Variants in GALNT18 observed in about 807,000 individuals in gnomAD.
GALNT18 encodes the protein polypeptide N-acetylgalactosaminyltransferase 18.
Under a neutral mutation model 69.5 loss-of-function variants are expected in GALNT18, and 44 were observed. That is an observed-to-expected ratio of 0.63 (90% confidence interval 0.50 to 0.81). The LOEUF is 0.81. Among genes scored for constraint, GALNT18 ranks in the 40% least tolerant of loss-of-function variants. The pLI, the probability that GALNT18 is intolerant of heterozygous loss-of-function variation, is 0.00. For missense variants in GALNT18, 715 were observed against 810.0 expected, an observed-to-expected ratio of 0.88 and a Z score of 1.42; for synonymous variants, 364 against 318.2, an observed-to-expected ratio of 1.14 and a Z score of -1.53.
At chr11:11,549,488 A>C (rs1858140489) in intron 1 of GALNT18, among the ~76,000 whole-genome samples, 1 of 152,196 alleles carries the variant, frequency 6.6e-6, no homozygotes, top group Non-Finnish European at 1.5e-5. Flanking sequence ...GGGCCTCTTT[A>C]AGGGGCTTCT....
rs532507396 is a variant in GALNT18 at position 11,560,922 on chromosome 11, G to A, written c.235+60437C>T. ...CCACTGGGGAGTGGCAAAGCCTACT[G>A]CTTGGCTGCCCCAGGGTCTTGTCCT... On this transcript the variant is annotated intron_variant, in intron 1 of 10. Coordinates refer to ENST00000227756, the MANE Select transcript of GALNT18 (RefSeq NM_198516.3). 1.1e-3 allele frequency among the ~76,000 whole-genome samples: 165 copies of A among 152,354 alleles called. 4 individuals are homozygous for A. The highest frequency in any genetic ancestry group is 0.011 in the Admixed American group (163 of 15,304).
Position 11,570,855 on chromosome 11 carries a change from T to C in GALNT18, c.235+50504A>G, listed in dbSNP as rs149364871. On this transcript the variant is annotated intron_variant, in intron 1 of 10. Coordinates refer to ENST00000227756, the MANE Select transcript of GALNT18 (RefSeq NM_198516.3). The stretch of plus-strand genomic sequence containing the variant: ...ACAATGGAATGAACAGGTAATTTAC[T>C]TGCCTGTAAAGAGTTACTCTCCAAA... Among the ~76,000 whole-genome samples the C allele has an allele frequency of 6.6e-3, 1,007 of 152,336 alleles. 9 individuals carry two copies. The highest frequency in any genetic ancestry group is 0.023 in the African/African-American group (961 of 41,582).
intron 1 of GALNT18, among the ~76,000 whole-genome samples, chr11:11,492,201 C>A (rs535942175): frequency 2.0e-5 from 3 of 152,294 alleles, no homozygotes; most frequent in African/African-American, 7.2e-5. Flanking sequence ...CCATTTCATC[C>A]AACAGTTACT....
intron 3 of GALNT18, among the ~76,000 whole-genome samples, chr11:11,385,392 T>G (rs572365954): frequency 4.0e-5 from 6 of 151,196 alleles, no homozygotes; most frequent in Admixed American, 4.0e-4. Context: ...GCCTCCCGGG[T>G]TCATGCCATT....
Position 11,621,423 on chromosome 11 carries a change from C to T in GALNT18, c.171G>A (p.Gly57=). ...GCCGCTCAATAATCTTCAGAGTGTC[C>T]CCTTTGTCTTCCTCCAGCTTCTTGT... is the stretch of plus-strand genomic sequence containing the variant. ...APDKKLEEDK[G]DTLKIIERLD... Residue 57 remains glycine (G), a synonymous_variant, in exon 1 of 11, where the codon GGG becomes GGA. Coordinates refer to ENST00000227756, the MANE Select transcript of GALNT18 (RefSeq NM_198516.3). This position sits in a 1 kb window ranked among gnomAD's most constrained non-coding sequence, Gnocchi z 9.3. 1 of 1,614,130 alleles carries T rather than the reference C, an allele frequency of 6.2e-7. No homozygotes were observed. Among genetic ancestry groups the T allele is most frequent in the Non-Finnish European group, 8.5e-7 (1 of 1,180,028 alleles).
intron 2 of GALNT18, among the ~76,000 whole-genome samples, chr11:11,447,624 T>TA (rs1302425338): frequency 3.3e-5 from 5 of 152,140 alleles, no homozygotes; most frequent in African/African-American, 1.2e-4. Flanking sequence ...TCAGGAAACT[T>TA]ACAATCATGG....
chr11:11,412,294 C>T (rs2133758757), intron 3 of GALNT18, among the ~76,000 whole-genome samples: 2 of 152,250 alleles, frequency 1.3e-5, no homozygotes, highest in Non-Finnish European at 2.9e-5. Flanking sequence ...CCTACTAGAC[C>T]CCTACTAGAA....
At chr11:11,289,757 G>T (rs1392779092) in intron 10 of GALNT18, among the ~76,000 whole-genome samples, 1 of 152,180 alleles carries the variant, frequency 6.6e-6, no homozygotes, top group Admixed American at 6.5e-5. Context: ...AAGTGTCTGG[G>T]TGCAGGTCTT....
Position 11,621,469 on chromosome 11 carries a change from C to T in GALNT18, c.125G>A (p.Arg42Gln), listed in dbSNP as rs374770254. ...CTTGTCGGGCGCCGGCTCCTGCCCC[C>T]GCACATACACGCTGGCGATGTAGTT... Reference protein sequence around the residue: ...VTNYIASVYVRGQEPAPDKKL... With the variant: ...VTNYIASVYVQGQEPAPDKKL... Residue 42 changes from arginine to glutamine, a missense_variant, in exon 1 of 11, where the codon CGG (arginine) becomes CAG (glutamine). Physicochemically the swap from Arg to Gln is conservative, Grantham distance 43 (BLOSUM62 1). Coordinates refer to ENST00000227756, the MANE Select transcript of GALNT18 (RefSeq NM_198516.3). The surrounding 1 kb of genome is among the most constrained non-coding windows in gnomAD (Gnocchi z 9.3). The T allele has an allele frequency of 1.7e-5, 28 of 1,614,010 alleles. No homozygotes were observed. The highest frequency in any genetic ancestry group is 5.9e-6 in the Non-Finnish European group (7 of 1,180,014).
At position 11,621,332 on chromosome 11, in the gene GALNT18, C is replaced by T. The variant is rs759199892; in HGVS notation, c.235+27G>A. 8 of 1,599,270 alleles carry T rather than the reference C, an allele frequency of 5.0e-6. No individual in the cohort carries two copies. The African/African-American group carries it at 8.0e-5, about 16-fold the overall frequency. ...GCGGGGCACTCCCGGGCCTCATGGG[C>T]GACCCAAGTTTCCGGGGCGCCCGTA... On this transcript the variant is annotated intron_variant, in intron 1 of 10. Transcript: ENST00000227756. This position sits in a 1 kb window ranked among gnomAD's most constrained non-coding sequence, Gnocchi z 9.3.
Position 11,496,240 on chromosome 11 carries a change from AC to A in GALNT18, c.236-47305del, listed in dbSNP as rs1564978861. On this transcript the variant is annotated intron_variant, in intron 1 of 10. Coordinates refer to ENST00000227756, the MANE Select transcript of GALNT18 (RefSeq NM_198516.3). The surrounding 1 kb of genome is among the most constrained non-coding windows in gnomAD (Gnocchi z 4.0). ...GCAATAGAGTTTTGATGATCTGCTG[AC>A]TTCATTTGATTGCAACCCTCTGCCT... Among the ~76,000 whole-genome samples the A allele has an allele frequency of 6.6e-6, 1 of 152,174 alleles. No homozygotes were observed. Among genetic ancestry groups the A allele is most frequent in the Admixed American group, 6.5e-5 (1 of 15,288 alleles).
chr11:11,503,889 A>C (rs146272400), intron 1 of GALNT18, among the ~76,000 whole-genome samples: 111 of 152,340 alleles, frequency 7.3e-4, no homozygotes, highest in African/African-American at 2.5e-3. Context: ...CATTGCCAGC[A>C]GTGCAGAAAC....
intron 1 of GALNT18, among the ~76,000 whole-genome samples, chr11:11,508,539 G>T (rs1004133687): frequency 6.6e-6 from 1 of 152,204 alleles, no homozygotes; most frequent in African/African-American, 2.4e-5. Context: ...TAATGTGTGG[G>T]TGTTACTCCA....
rs373405596 is a variant in GALNT18, at chr11:11,562,560, GC to G, written c.235+58798del. Among the ~76,000 whole-genome samples the G allele has an allele frequency of 6.6e-6, 1 of 152,170 alleles. No homozygotes were observed. The highest frequency in any genetic ancestry group is 2.4e-5 in the African/African-American group (1 of 41,508). On this transcript the variant is annotated intron_variant, in intron 1 of 10. Coordinates refer to ENST00000227756, the MANE Select transcript of GALNT18 (RefSeq NM_198516.3). This position sits in a 1 kb window ranked among gnomAD's most constrained non-coding sequence, Gnocchi z 4.1. ...AACTGGGGCTTCAGGAGTTGTCCTAGCAACACCCACCACCATCACCATCAAA... is the reference window on the plus strand; with the variant it reads ...AACTGGGGCTTCAGGAGTTGTCCTAGAACACCCACCACCATCACCATCAAA...
rs1859566927 is a variant in GALNT18 at position 11,598,951 on chromosome 11, T to C, written c.235+22408A>G. Among the ~76,000 whole-genome samples, 5 of 152,184 alleles carry C rather than the reference T, an allele frequency of 3.3e-5. No individual in the cohort carries two copies. The highest frequency in any genetic ancestry group is 3.3e-4 in the Admixed American group (5 of 15,282). ...TCACGTGGCCAGAGAATGTACTTTG[T>C]TCATTTTAAAGGATGAGTTCAATCC... On this transcript the variant is annotated intron_variant, in intron 1 of 10. Coordinates refer to ENST00000227756, the MANE Select transcript of GALNT18 (RefSeq NM_198516.3). The surrounding 1 kb of genome is among the most constrained non-coding windows in gnomAD (Gnocchi z 4.8).
chr11:11,521,271 G>T (rs1857392945), intron 1 of GALNT18, among the ~76,000 whole-genome samples: 1 of 151,998 alleles, frequency 6.6e-6, no homozygotes, highest in Non-Finnish European at 1.5e-5. Flanking sequence ...TACAAACAGG[G>T]GTACAAACTA....
intron 3 of GALNT18, among the ~76,000 whole-genome samples, chr11:11,419,676 A>C (rs929677855): frequency 1.3e-5 from 2 of 151,960 alleles, no homozygotes. Context: ...CAAGTGCAGT[A>C]AGAATCTTTG....
At chr11:11,304,810 G>GTGA (rs1450148922) in intron 9 of GALNT18, among the ~76,000 whole-genome samples, 2 of 152,320 alleles carry the variant, frequency 1.3e-5, no homozygotes, top group East Asian at 3.9e-4. Flanking sequence ...GAGCAATCAT[G>GTGA]TGATACACTG....
rs1370691131 is a variant in GALNT18, at chr11:11,372,594, C to G, written c.1013G>C (p.Arg338Pro). ...CAGGCCGATCTCCTGGAAGTACTGCCGGTCCACAATGAAGCAGCCAATGAG... is the reference window on the plus strand; with the variant it reads ...CAGGCCGATCTCCTGGAAGTACTGCGGGTCCACAATGAAGCAGCCAATGAG... ...PALIGCFIVD[R>P]QYFQEIGLLD... Residue 338 changes from arginine to proline, a missense_variant, in exon 6 of 11, where the codon CGG (arginine) becomes CCG (proline). Transcript: ENST00000227756. The surrounding 1 kb of genome is among the most constrained non-coding windows in gnomAD (Gnocchi z 4.9). 1 of 1,614,064 alleles carries G rather than the reference C, an allele frequency of 6.2e-7. No homozygotes were observed.
Sources: allele counts gnomAD v4.1 joint callset (sites outside exome capture counted in the v4.1 genomes callset), GRCh38; gene constraint gnomAD v4.1.1; non-coding constraint Gnocchi (gnomAD v3.1); transcripts MANE v1.5; gene names NCBI Gene and HGNC (gene_info 2026-07-23, HGNC 2026-07-21).